The following ADGRV1 variants were observed in gnomAD, a reference collection of about 807,000 sequenced individuals.
ADGRV1 encodes G-protein coupled receptor 98.
A neutral mutation model predicts 596.2 loss-of-function variants in ADGRV1; 359 were observed. The ratio of observed to expected loss-of-function variants is 0.60; its 90% CI spans 0.55 to 0.66. The LOEUF (loss-of-function observed/expected upper bound fraction) is 0.66. ADGRV1 is among the 30% of genes least tolerant of loss of function. The pLI, the probability that ADGRV1 is intolerant of heterozygous loss-of-function variation, is 0.00. For missense variants in ADGRV1, 7,274 were observed against 7,575.6 expected, an observed-to-expected ratio of 0.96 and a Z score of 1.48; for synonymous variants, 2,681 against 2,679.2, an observed-to-expected ratio of 1.00 and a Z score of -0.02.
In ADGRV1 at chr5:90,629,210, C is replaced by T. The variant is rs781717368; in HGVS notation, c.1510C>T (p.Leu504Phe). The change falls in exon 9 of 90, where the codon CTT becomes TTT. Residue 504 changes from leucine (L) to phenylalanine (F), a missense_variant and splice_region_variant. Leu to Phe is a conservative substitution (Grantham distance 22, BLOSUM62 0). This residue lies in a region of ADGRV1 where 1,715 missense variants were observed against 1,708.8 expected (regional missense o/e 1.00). Coordinates refer to ENST00000405460, the MANE Select transcript of ADGRV1 (RefSeq NM_032119.4). ...GGAEVSEPAELLFYIQDSDDV... is the reference protein window; with the variant it reads ...GGAEVSEPAEFLFYIQDSDDV... ...TTAATATTTTATTCCTTTACTTCAG[C>T]TTTTGTTCTACATTCAGGATAGTGA... 1 of 1,516,490 alleles carries T rather than the reference C, an allele frequency of 6.6e-7. No homozygotes were observed. The highest frequency in any genetic ancestry group is 8.8e-7 in the Non-Finnish European group (1 of 1,130,892). The allele number at this position is 1,516,490 out of a possible 1,614,324, so 93.9% of individuals were successfully genotyped here.
At chr5:91,061,562 C>CA (rs1384802275) in intron 85 of ADGRV1, among the ~76,000 whole-genome samples, 1 of 152,164 alleles carries the variant, frequency 6.6e-6, no homozygotes. Context: ...CTGACTACTT[C>CA]AAAATCTTAG....
rs1561427524 is a variant in ADGRV1 at position 90,635,138 on chromosome 5, A to G, written c.1864A>G (p.Ile622Val). 6 of 1,603,052 alleles carry G rather than the reference A, an allele frequency of 3.7e-6. No homozygotes were observed. The highest frequency in any genetic ancestry group is 1.3e-5 in the African/African-American group (1 of 74,808). The change falls in exon 10 of 90, where the codon ATA becomes GTA. Residue 622 changes from isoleucine to valine, a missense_variant. Physicochemically the swap from Ile to Val is conservative, Grantham distance 29 (BLOSUM62 3). Transcript: ENST00000405460. ...VQLETVELLN[I>V]IPLIPPISPR... ...GTTGGAAACTGTGGAGTTGTTAAAC[A>G]TAATTCCTCTAATCCCACCCATAAG...
intron 89 of ADGRV1, among the ~76,000 whole-genome samples, chr5:91,160,461 G>A (rs576120148): frequency 1.3e-5 from 2 of 152,216 alleles, no homozygotes; most frequent in Admixed American, 6.5e-5. Flanking sequence ...CACTCAGTCC[G>A]TGCATCTGTA....
chr5:90,928,649 A>G (rs1413907690), intron 83 of ADGRV1, among the ~76,000 whole-genome samples: 8 of 150,406 alleles, frequency 5.3e-5, no homozygotes, highest in Non-Finnish European at 7.4e-5. Context: ...GTCATTCTCC[A>G]TCCAGCTTTG....
intron 85 of ADGRV1, among the ~76,000 whole-genome samples, chr5:91,019,938 C>A (rs534838912): frequency 2.0e-4 from 30 of 152,096 alleles, no homozygotes; most frequent in Admixed American, 5.2e-4. Flanking sequence ...TGCTTTCTCC[C>A]TGTATAATTG....
chr5:91,012,566 C>A (rs1461945567), intron 85 of ADGRV1, among the ~76,000 whole-genome samples: 1 of 151,890 alleles, frequency 6.6e-6, no homozygotes, highest in East Asian at 1.9e-4. Flanking sequence ...ATGTAGCTCT[C>A]CTCCCATTAC....
chr5:90,995,381 C>T (rs1781328929), intron 85 of ADGRV1, among the ~76,000 whole-genome samples: 1 of 152,138 alleles, frequency 6.6e-6, no homozygotes, highest in Non-Finnish European at 1.5e-5. Context: ...AACCTCCTCC[C>T]CTATGGGTGC....
intron 61 of ADGRV1, 62 bp downstream of exon 61, chr5:90,776,638 A>T: frequency 6.6e-7 from 1 of 1,522,740 alleles, no homozygotes; most frequent in Admixed American, 1.7e-5. Context: ...TTAAATCATT[A>T]GTCTTAAGTT....
At chr5:91,100,359 G>A (rs771504656) in intron 86 of ADGRV1, among the ~76,000 whole-genome samples, 15 of 152,244 alleles carry the variant, frequency 9.9e-5, no homozygotes, top group Non-Finnish European at 2.2e-4. Flanking sequence ...AGGAGGTCAA[G>A]CCTGCAGTGA....
At chr5:91,085,804 G>A (rs111330789) in intron 86 of ADGRV1, among the ~76,000 whole-genome samples, 7 of 152,112 alleles carry the variant, frequency 4.6e-5, no homozygotes, top group Non-Finnish European at 8.8e-5. Flanking sequence ...GAGCTTACTC[G>A]TAATGCCGCT....
chr5:90,569,237 C>T (rs1418329765), intron 1 of ADGRV1, among the ~76,000 whole-genome samples: 4 of 151,252 alleles, frequency 2.6e-5, no homozygotes, highest in Non-Finnish European at 4.4e-5. Context: ...AAAGGTCCTA[C>T]CTCTCAACAC....
chr5:91,133,747 C>A (rs1794404767), intron 87 of ADGRV1, among the ~76,000 whole-genome samples: 1 of 152,158 alleles, frequency 6.6e-6, no homozygotes, highest in Non-Finnish European at 1.5e-5. Flanking sequence ...TTTGCGAATC[C>A]CACTAACTTT....
At chr5:91,040,383 C>G (rs1474423742) in intron 85 of ADGRV1, among the ~76,000 whole-genome samples, 1 of 152,082 alleles carries the variant, frequency 6.6e-6, no homozygotes, top group Non-Finnish European at 1.5e-5. Flanking sequence ...GGTAAAGTGA[C>G]CAGTTAGACG....
intron 85 of ADGRV1, among the ~76,000 whole-genome samples, chr5:91,018,056 A>G (rs1783318074): frequency 6.6e-6 from 1 of 152,010 alleles, no homozygotes; most frequent in African/African-American, 2.4e-5. Context: ...TTTAACAAGT[A>G]CATGCTGGAT....
chr5:90,864,030 C>G (rs1377014743), intron 83 of ADGRV1, among the ~76,000 whole-genome samples, 173 bp downstream of exon 83: 1 of 151,520 alleles, frequency 6.6e-6, no homozygotes, highest in Non-Finnish European at 1.5e-5. Context: ...AGAATCAGGC[C>G]TAAAATGCTT....
intron 83 of ADGRV1, among the ~76,000 whole-genome samples, chr5:90,915,231 A>G (rs1240800357): frequency 6.6e-6 from 1 of 152,206 alleles, no homozygotes; most frequent in African/African-American, 2.4e-5. Flanking sequence ...TTAGGATAAT[A>G]TATTCTTAAT....
At chr5:90,802,921 A>G (rs1761529573) in intron 71 of ADGRV1, 39 bp downstream of exon 71, 3 of 1,538,878 alleles carry the variant, frequency 1.9e-6, no homozygotes, top group Non-Finnish European at 8.8e-7. Context: ...GCAGAACACT[A>G]GAGGGCAGCT....
At chr5:91,036,453 T>C (rs1218558556) in intron 85 of ADGRV1, among the ~76,000 whole-genome samples, 1 of 152,022 alleles carries the variant, frequency 6.6e-6, no homozygotes. Context: ...TCCCAGCTAC[T>C]TGGGAGGCTG....
chr5:91,037,519 G>A (rs930276014), intron 85 of ADGRV1, among the ~76,000 whole-genome samples: 4 of 152,122 alleles, frequency 2.6e-5, no homozygotes, highest in Non-Finnish European at 4.4e-5. Flanking sequence ...TGGATGGAAA[G>A]ATAACTAATA....
Sources: allele counts gnomAD v4.1 joint callset (sites outside exome capture counted in the v4.1 genomes callset), GRCh38; gene constraint gnomAD v4.1.1; regional missense constraint gnomAD v4.1.1; transcripts MANE v1.5; gene names NCBI Gene and HGNC (gene_info 2026-07-23, HGNC 2026-07-21).